Variants in COL5A1 observed in about 807,000 individuals in gnomAD.
COL5A1 encodes collagen alpha-1(V) chain.
Under a neutral mutation model 263.7 loss-of-function variants are expected in COL5A1, and 16 were observed. The ratio of observed to expected loss-of-function variants is 0.06; its 90% CI spans 0.04 to 0.09. COL5A1 has a LOEUF of 0.09. COL5A1 is among the 10% of genes least tolerant of loss of function. COL5A1 has a pLI of 1.00. For synonymous variants in COL5A1, 1,012 were observed against 1,004.5 expected, an observed-to-expected ratio of 1.01 and a Z score of -0.14; for missense variants, 2,036 against 2,540.5, an observed-to-expected ratio of 0.80 and a Z score of 4.27.
chr9:134,689,161 C>A (rs1833182686), intron 1 of COL5A1, among the ~76,000 whole-genome samples: 1 of 152,198 alleles, frequency 6.6e-6, no homozygotes. Flanking sequence ...TTGTCTCTGG[C>A]AGCCACCTCC....
At chr9:134,836,071 T>C (rs1447972326) in intron 65 of COL5A1, among the ~76,000 whole-genome samples, 1 of 152,184 alleles carries the variant, frequency 6.6e-6, no homozygotes, top group Non-Finnish European at 1.5e-5. Context: ...CACCACTTAT[T>C]CTTGAGAGAC....
intron 1 of COL5A1, among the ~76,000 whole-genome samples, chr9:134,668,186 G>C (rs985252727): frequency 1.3e-5 from 2 of 152,210 alleles, no homozygotes; most frequent in African/African-American, 4.8e-5. Context: ...CTGTAGGCCA[G>C]AATGATCAAA....
chr9:134,654,522 C>T (rs1249177682), intron 1 of COL5A1, among the ~76,000 whole-genome samples: 22 of 34,610 alleles, frequency 6.4e-4, no homozygotes, highest in South Asian at 1.1e-3. Context: ...TGGAGGTGTG[C>T]AGGGCTGGGT....
intron 41 of COL5A1, among the ~76,000 whole-genome samples, chr9:134,805,668 T>C: frequency 6.6e-6 from 1 of 152,034 alleles, no homozygotes; most frequent in Non-Finnish European, 1.5e-5. Context: ...TACCCACCCA[T>C]CCATATGCCA....
Position 134,730,271 on chromosome 9 carries a change from G to A in COL5A1, c.960G>A (p.Met320Ile), listed in dbSNP as rs1834829650. The A allele has an allele frequency of 1.9e-6, 3 of 1,614,156 alleles. No homozygotes were observed. The highest frequency in any genetic ancestry group is 4.5e-5 in the East Asian group (2 of 44,886). The change falls in exon 7 of 66, where the codon ATG becomes ATA. Residue 320 changes from methionine (M) to isoleucine (I), a missense_variant. Coordinates refer to ENST00000371817, the MANE Select transcript of COL5A1 (RefSeq NM_000093.5). ...CGACCCCCACGGAAGCTGCTCCCAT[G>A]CCTGAAACCAGTGAAGGGGCTGGGA... ...LTPTPTEAAP[M>I]PETSEGAGKE...
chr9:134,738,462 C>CT lies in COL5A1; in HGVS notation c.1390-11dup. 6.2e-7 allele frequency: 1 copy of CT among 1,614,030 alleles called. No homozygotes were observed. The highest frequency in any genetic ancestry group is 8.5e-7 in the Non-Finnish European group (1 of 1,180,014). On this transcript the variant is annotated splice_polypyrimidine_tract_variant and intron_variant, in intron 9 of 65. Coordinates refer to ENST00000371817, the MANE Select transcript of COL5A1 (RefSeq NM_000093.5). ...GGCTGCGGTCTCAGACGCCCTCTCT[C>CT]TGTCTCCCCAGGGCATGCTCATCGA...
Position 134,835,160 on chromosome 9 carries a change from T to C in COL5A1, c.5326T>C (p.Tyr1776His), listed in dbSNP as rs778249693. 48 of 1,613,708 alleles carry C rather than the reference T, an allele frequency of 3.0e-5. No homozygotes were observed. In the South Asian group the frequency reaches 4.9e-4, roughly 17 times the overall value. The change falls in exon 65 of 66, where the codon TAT becomes CAT. Residue 1776 changes from tyrosine to histidine, a missense_variant. Tyr to His is a moderately conservative substitution (Grantham distance 83). Coordinates refer to ENST00000371817, the MANE Select transcript of COL5A1 (RefSeq NM_000093.5). ...FLGSNDEEMSYDNNPYIRALV... is the reference protein window; with the variant it reads ...FLGSNDEEMSHDNNPYIRALV... The stretch of plus-strand genomic sequence containing the variant: ...GGGCTCCAACGACGAGGAGATGTCC[T>C]ATGACAACAACCCCTACATCCGCGC...
At chr9:134,802,115 G>T in intron 38 of COL5A1, 108 bp downstream of exon 38, 1 of 1,108,628 alleles carries the variant, frequency 9.0e-7, no homozygotes, top group South Asian at 1.2e-5. Context: ...GGAGGTGCAG[G>T]TACTGCTGAG....
intron 30 of COL5A1, among the ~76,000 whole-genome samples, chr9:134,785,750 C>T (rs941404363): frequency 1.3e-5 from 2 of 152,238 alleles, no homozygotes; most frequent in African/African-American, 4.8e-5. Context: ...CAAGACCTCT[C>T]CTCCAGGGGC....
At chr9:134,759,298 A>C (rs1023111952) in intron 18 of COL5A1, among the ~76,000 whole-genome samples, 121 of 123,234 alleles carry the variant, frequency 9.8e-4, no homozygotes, top group South Asian at 3.7e-3. Context: ...ACGCATACAC[A>C]CCCACACACC....
At chr9:134,654,469 G>T (rs1404803421) in intron 1 of COL5A1, among the ~76,000 whole-genome samples, 4 of 133,084 alleles carry the variant, frequency 3.0e-5, no homozygotes, top group African/African-American at 2.9e-5. Flanking sequence ...TAGGGCTGGA[G>T]GTGTGTAGGG....
chr9:134,839,269 T>TG (rs1447877786), intron 65 of COL5A1, among the ~76,000 whole-genome samples: 1 of 152,180 alleles, frequency 6.6e-6, no homozygotes, highest in Non-Finnish European at 1.5e-5. Flanking sequence ...TCGGCGCCTC[T>TG]GGGGGGCCGT....
rs1442187720 is a variant in COL5A1, at chr9:134,794,940, G to A, written c.2701-142G>A. The A allele has an allele frequency of 7.1e-6, 6 of 842,382 alleles. No homozygotes were observed. The highest frequency in any genetic ancestry group is 4.3e-5 in the South Asian group (3 of 69,942). The allele number at this position is 842,382 out of a possible 1,614,324, so 52.2% of individuals were successfully genotyped here. On this transcript the variant is annotated intron_variant, in intron 32 of 65. Transcript: ENST00000371817. The surrounding 1 kb of genome is among the most constrained non-coding windows in gnomAD (Gnocchi z 4.3). ...CCTGATAAATCTCCTATTAAAACAC[G>A]GAAAAGGTGGGTGGCGGGGAGGCCC...
At chr9:134,734,365 C>A (rs540133635) in intron 9 of COL5A1, among the ~76,000 whole-genome samples, 1 of 152,206 alleles carries the variant, frequency 6.6e-6, no homozygotes, top group Non-Finnish European at 1.5e-5. Context: ...AGGATTCCCT[C>A]CCCCGGGCCC....
At chr9:134,760,941 GCATACACACCCGCCACACACATA>G (rs962259759) in intron 18 of COL5A1, among the ~76,000 whole-genome samples, 6 of 132,826 alleles carry the variant, frequency 4.5e-5, no homozygotes, top group Admixed American at 3.1e-4. Context: ...GCACACACAT[GCATACACACCCGCCACACACATA>G]CACACATGTA....
rs77347004 is a variant in COL5A1, at chr9:134,644,897, T to G, written c.109+2601T>G. Among the ~76,000 whole-genome samples the G allele has an allele frequency of 2.6e-5, 4 of 152,168 alleles. No homozygotes were observed. In the East Asian group the frequency reaches 7.7e-4, roughly 29 times the overall value. ...AGAGTCGGCCAAGTTTTGTGAGACT[T>G]GACAGGTATCAAATGGTTAAATTTC... On this transcript the variant is annotated intron_variant, in intron 1 of 65. Transcript: ENST00000371817.
In COL5A1 at chr9:134,642,143, G is replaced by A. The variant is rs1831309514; in HGVS notation, c.-45G>A. ...GACCCGCGCCCCTGTGCGTCCCCGC[G>A]CGCCTCCGAGCGCCCCTGTGCGCCC... On this transcript the variant is annotated 5_prime_UTR_variant, in exon 1 of 66. Transcript: ENST00000371817. This position sits in a 1 kb window ranked among gnomAD's most constrained non-coding sequence, Gnocchi z 4.5. The A allele has an allele frequency of 1.6e-6, 2 of 1,236,064 alleles. No individual in the cohort carries two copies. Among genetic ancestry groups the A allele is most frequent in the African/African-American group, 1.6e-5 (1 of 64,100 alleles). The allele number at this position is 1,236,064 out of a possible 1,614,324, so 76.6% of individuals were successfully genotyped here.
Position 134,806,173 on chromosome 9 carries a change from T to C in COL5A1, c.3259-16T>C, listed in dbSNP as rs1241902503. The C allele has an allele frequency of 6.5e-6, 10 of 1,540,950 alleles. No homozygotes were observed. The highest frequency in any genetic ancestry group is 2.4e-5 in the South Asian group (2 of 83,866). ...TGAGAGCCTTTGAAGCAGACTGTTT[T>C]CTTGCTCCACCTCAGGGATCTCCAG... On this transcript the variant is annotated splice_polypyrimidine_tract_variant and intron_variant, in intron 41 of 65. Transcript: ENST00000371817.
At chr9:134,721,824 G>T (rs1834474419) in intron 4 of COL5A1, among the ~76,000 whole-genome samples, 2 of 152,226 alleles carry the variant, frequency 1.3e-5, no homozygotes, top group African/African-American at 4.8e-5. Context: ...GGCCCCATCT[G>T]CCTGGGGTCC....
Sources: allele counts gnomAD v4.1 joint callset (sites outside exome capture counted in the v4.1 genomes callset), GRCh38; gene constraint gnomAD v4.1.1; non-coding constraint Gnocchi (gnomAD v3.1); transcripts MANE v1.5; gene names NCBI Gene and HGNC (gene_info 2026-07-23, HGNC 2026-07-21).